SHISA9: variants seen among roughly 807,000 people sequenced by gnomAD.
The protein encoded by SHISA9 is shisa family member 9.
SHISA9 carries 13 observed loss-of-function variants against 38.0 expected under a neutral mutation model. The observed-to-expected ratio is 0.34, with a 90% CI of 0.22 to 0.54. The LOEUF is 0.54. SHISA9 is among the 20% of genes least tolerant of loss of function. The pLI is 0.91. For missense variants in SHISA9, 538 were observed against 575.8 expected (o/e 0.93, Z 0.67); for synonymous variants, 275 against 242.0 (o/e 1.14, Z -1.27).
intron 2 of SHISA9, among the ~76,000 whole-genome samples, chr16:13,172,214 C>A (rs1008080556): frequency 1.3e-5 from 2 of 152,156 alleles, no homozygotes; most frequent in African/African-American, 4.8e-5. Context: ...AGTTGGTTAT[C>A]AAATCAGTCA....
At chr16:13,416,743 AAAGGAAGGAAGGAAGGAAGG>A in the SHISA9 span, among the ~76,000 whole-genome samples, 1 of 113,442 alleles carries the variant, frequency 8.8e-6, no homozygotes, top group Non-Finnish European at 1.9e-5. Flanking sequence ...AGAAAGAAAG[AAAGGAAGGAAGGAAGGAAGG>A]AAGGAAGGAA....
At chr16:13,501,951 G>A in the SHISA9 span, among the ~76,000 whole-genome samples, 5 of 151,384 alleles carry the variant, frequency 3.3e-5, no homozygotes, top group South Asian at 6.3e-4. Flanking sequence ...GCAGTGAGCC[G>A]AGATCGCACC....
intron 2 of SHISA9, among the ~76,000 whole-genome samples, chr16:12,985,518 C>T (rs1301348712): frequency 6.6e-6 from 1 of 152,144 alleles, no homozygotes; most frequent in Non-Finnish European, 1.5e-5. Context: ...TACGTTTTAA[C>T]TCTTGTTACC....
intron 2 of SHISA9, among the ~76,000 whole-genome samples, chr16:13,008,631 TCTC>T (rs2072628144): frequency 8.5e-6 from 1 of 117,902 alleles, no homozygotes; most frequent in African/African-American, 3.2e-5. Flanking sequence ...TCTCTCCCTC[TCTC>T]CTCCCTCCCT....
intron 1 of SHISA9, among the ~76,000 whole-genome samples, chr16:12,903,304 G>A (rs990577527): frequency 6.6e-6 from 1 of 152,158 alleles, no homozygotes; most frequent in Non-Finnish European, 1.5e-5. Context: ...GCCCGGGGCC[G>A]TGGCCATCGC....
At chr16:13,499,101 G>C in the SHISA9 span, among the ~76,000 whole-genome samples, 1 of 152,312 alleles carries the variant, frequency 6.6e-6, no homozygotes, top group East Asian at 1.9e-4. Flanking sequence ...TACAGTATCA[G>C]AGAACTCTGT....
At chr16:13,299,762 C>A in the SHISA9 span, among the ~76,000 whole-genome samples, 2 of 151,818 alleles carry the variant, frequency 1.3e-5, no homozygotes, top group African/African-American at 4.8e-5. Context: ...AGTCCAAGCT[C>A]TTAACCATCC....
At chr16:12,965,840 A>G (rs1051945951) in intron 2 of SHISA9, among the ~76,000 whole-genome samples, 1 of 152,238 alleles carries the variant, frequency 6.6e-6, no homozygotes, top group African/African-American at 2.4e-5. Context: ...AAATAAGAAC[A>G]CTATTGTAAT....
At chr16:13,094,569 A>C (rs775815900) in intron 2 of SHISA9, among the ~76,000 whole-genome samples, 4 of 152,208 alleles carry the variant, frequency 2.6e-5, no homozygotes, top group African/African-American at 4.8e-5. Flanking sequence ...GGGAAAGCCA[A>C]CTTTAATTCC....
At chr16:12,917,298 ATTC>A (rs1298578011) in intron 2 of SHISA9, among the ~76,000 whole-genome samples, 1 of 152,214 alleles carries the variant, frequency 6.6e-6, no homozygotes, top group Non-Finnish European at 1.5e-5. Context: ...AATTATGTCT[ATTC>A]TTTGTAACGC....
the SHISA9 span, among the ~76,000 whole-genome samples, chr16:13,374,156 G>A: frequency 6.6e-6 from 1 of 150,456 alleles, no homozygotes; most frequent in African/African-American, 2.5e-5. Flanking sequence ...TGTTGTTTTT[G>A]TATTTTTTTT....
chr16:13,306,518 T>C, the SHISA9 span, among the ~76,000 whole-genome samples: 1 of 152,186 alleles, frequency 6.6e-6, no homozygotes, highest in South Asian at 2.1e-4. Context: ...ATGATAGCAT[T>C]CTGAGAATGG....
chr16:13,147,461 C>CTTTTTT (rs55972023), intron 2 of SHISA9, among the ~76,000 whole-genome samples: 6 of 65,074 alleles, frequency 9.2e-5, no homozygotes, highest in Admixed American at 2.2e-4. Flanking sequence ...GTAAACTGAG[C>CTTTTTT]TTTTTTTTTT....
chr16:12,975,733 G>A (rs1331769688), intron 2 of SHISA9, among the ~76,000 whole-genome samples: 1 of 151,672 alleles, frequency 6.6e-6, no homozygotes, highest in African/African-American at 2.4e-5. Context: ...GAAATTGTAG[G>A]TGGGGCTGGG....
At chr16:13,508,457 A>G in the SHISA9 span, among the ~76,000 whole-genome samples, 2 of 152,210 alleles carry the variant, frequency 1.3e-5, no homozygotes, top group South Asian at 4.1e-4. Flanking sequence ...TAGATTTCCA[A>G]AAGAGAAATG....
At chr16:13,268,766 C>A in the SHISA9 span, among the ~76,000 whole-genome samples, 1 of 152,108 alleles carries the variant, frequency 6.6e-6, no homozygotes, top group Non-Finnish European at 1.5e-5. Context: ...TTTAAAAAAT[C>A]AACATGCATC....
At chr16:13,192,745 C>T (rs765364029) in intron 2 of SHISA9, among the ~76,000 whole-genome samples, 22 of 152,004 alleles carry the variant, frequency 1.4e-4, no homozygotes, top group African/African-American at 1.9e-4. Context: ...CGTGGTGGCA[C>T]GCACCTGTGG....
the SHISA9 span, among the ~76,000 whole-genome samples, chr16:13,382,782 CA>C: frequency 6.6e-6 from 1 of 152,018 alleles, no homozygotes; most frequent in Non-Finnish European, 1.5e-5. Context: ...TGCTTGAACC[CA>C]GGAGGCAGAA....
intron 4 of SHISA9, among the ~76,000 whole-genome samples, chr16:13,215,518 C>T (rs403898): frequency 0.7 from 106,647 of 151,956 alleles, 38,487 homozygotes; most frequent in African/African-American, 0.88. Context: ...GCATTAACTT[C>T]TTTTTTCCCT....
Sources: gnomAD v4.1 joint callset for allele counts (sites outside exome capture counted in the v4.1 genomes callset) on GRCh38, gnomAD v4.1.1 for gene constraint, MANE v1.5 for transcripts, NCBI Gene and HGNC (gene_info 2026-07-23, HGNC 2026-07-21) for gene names.